Variants in NAALAD2 observed in about 807,000 individuals in gnomAD.
The protein encoded by NAALAD2 is N-acetylated alpha-linked acidic dipeptidase 2.
A neutral mutation model predicts 95.6 loss-of-function variants in NAALAD2; 89 were observed. The observed-to-expected ratio is 0.93, with a 90% CI of 0.78 to 1.11. The LOEUF (loss-of-function observed/expected upper bound fraction) is 1.11. Ranked by LOEUF, NAALAD2 falls within the 50% of genes least tolerant of loss-of-function variation. The pLI, the probability that NAALAD2 is intolerant of heterozygous loss-of-function variation, is 0.00. For missense variants in NAALAD2, 894 were observed against 872.4 expected (o/e 1.02, Z -0.31); for synonymous variants, 264 against 294.4 (o/e 0.90, Z 1.06).
chr11:90,163,210 G>C (rs1952344329), intron 9 of NAALAD2, 100 bp from the exon 10 acceptor site: 3 of 1,351,348 alleles, frequency 2.2e-6, no homozygotes, highest in Admixed American at 4.2e-5. Context: ...GTCTTCTATA[G>C]AGGAAACTCA....
chr11:90,160,435 T>A (rs1419067145), intron 8 of NAALAD2, among the ~76,000 whole-genome samples: 1 of 152,240 alleles, frequency 6.6e-6, no homozygotes, highest in African/African-American at 2.4e-5. Flanking sequence ...AATTTACCCT[T>A]AACTACGTGA....
At chr11:90,157,224 T>A (rs1748427939) in intron 6 of NAALAD2, among the ~76,000 whole-genome samples, 1 of 152,188 alleles carries the variant, frequency 6.6e-6, no homozygotes, top group African/African-American at 2.4e-5. Flanking sequence ...AAAAATCTCA[T>A]GATAGAACTA....
At chr11:90,137,943 C>T (rs12224461) in intron 2 of NAALAD2, among the ~76,000 whole-genome samples, 20,480 of 151,772 alleles carry the variant, frequency 0.13, 2,043 homozygotes, top group Admixed American at 0.31. Flanking sequence ...ATCCCCAACC[C>T]TCCTATGGAG....
At chr11:90,150,352 G>A (rs112716109) in intron 4 of NAALAD2, 130 bp from the exon 5 acceptor site, 112 of 479,482 alleles carry the variant, frequency 2.3e-4, no homozygotes, top group Non-Finnish European at 1.0e-4. Context: ...ATTACTGTGG[G>A]TCTGTTTATT....
At chr11:90,155,685 A>G (rs1212862840) in intron 6 of NAALAD2, among the ~76,000 whole-genome samples, 1 of 81,942 alleles carries the variant, frequency 1.2e-5, no homozygotes. Context: ...TATGTAATAC[A>G]TACATACATA....
At position 90,149,027 on chromosome 11, in the gene NAALAD2, G is replaced by T; in HGVS notation, c.403G>T (p.Glu135Ter). Residue 135 changes from glutamate to a stop codon, truncating the protein, a stop_gained, in exon 4 of 19, where the codon GAA becomes TAA. Coordinates refer to ENST00000534061, the MANE Select transcript of NAALAD2 (RefSeq NM_005467.4). LOFTEE classifies it high-confidence loss of function. The stretch of plus-strand genomic sequence containing the variant: ...CTAGATTTTCAAAACATCATACCTT[G>T]AACCACCACCAGATGGCTATGAGAA... ...ETEIFKTSYL[E>*]PPPDGYENVT... 1 of 1,603,840 alleles carries T rather than the reference G, an allele frequency of 6.2e-7. No individual in the cohort carries two copies. The highest frequency in any genetic ancestry group is 1.7e-5 in the Admixed American group (1 of 59,362).
At chr11:90,159,149 T>G in intron 7 of NAALAD2, 90 bp from the exon 8 acceptor site, 1 of 965,522 alleles carries the variant, frequency 1.0e-6, no homozygotes, top group African/African-American at 1.6e-5. Flanking sequence ...ATTTGTTATA[T>G]ATATGAATGA....
chr11:90,181,220 G>A (rs1952957919), intron 16 of NAALAD2, among the ~76,000 whole-genome samples: 1 of 151,810 alleles, frequency 6.6e-6, no homozygotes, highest in Admixed American at 6.6e-5. Context: ...TGCACTATTT[G>A]AAAACAAGAA....
intron 13 of NAALAD2, among the ~76,000 whole-genome samples, chr11:90,172,849 G>C (rs554636736): frequency 1.3e-5 from 2 of 152,240 alleles, no homozygotes; most frequent in East Asian, 3.9e-4. Flanking sequence ...GAAAATACCA[G>C]ATGTTTATAT....
At chr11:90,183,225 G>C (rs1857019974) in intron 18 of NAALAD2, among the ~76,000 whole-genome samples, 1 of 152,072 alleles carries the variant, frequency 6.6e-6, no homozygotes, top group Admixed American at 6.5e-5. Context: ...GTAAAGGCTA[G>C]TTAAAAAAGA....
intron 6 of NAALAD2, among the ~76,000 whole-genome samples, chr11:90,154,937 ATGT>A (rs1473061211): frequency 8.9e-6 from 1 of 112,072 alleles, no homozygotes; most frequent in Non-Finnish European, 1.9e-5. Flanking sequence ...ACGTATACAT[ATGT>A]ATATATTATA....
At chr11:90,155,096 C>A (rs1219638155) in intron 6 of NAALAD2, among the ~76,000 whole-genome samples, 1 of 116,054 alleles carries the variant, frequency 8.6e-6, no homozygotes, top group Non-Finnish European at 1.6e-5. Flanking sequence ...ATATTATATA[C>A]GTATACATAT....
chr11:90,163,533 A>T lies in NAALAD2; in HGVS notation c.1196-2A>T. ...AACCACGTGTGTTAACAATTCTTACAGGCTGGAGACCTAGAAGAACTATCA... is the reference window on the plus strand; with the variant it reads ...AACCACGTGTGTTAACAATTCTTACTGGCTGGAGACCTAGAAGAACTATCA... On this transcript the variant is annotated splice_acceptor_variant, in intron 10 of 18. Coordinates refer to ENST00000534061, the MANE Select transcript of NAALAD2 (RefSeq NM_005467.4). LOFTEE classifies it high-confidence loss of function. 6.2e-7 allele frequency: 1 copy of T among 1,613,724 alleles called. No individual in the cohort carries two copies. Among genetic ancestry groups the T allele is most frequent in the African/African-American group, 1.3e-5 (1 of 74,972 alleles).
At chr11:90,189,993 T>C (rs997038728) in intron 18 of NAALAD2, among the ~76,000 whole-genome samples, 6 of 152,170 alleles carry the variant, frequency 3.9e-5, no homozygotes, top group African/African-American at 1.4e-4. Context: ...TGAATTCTTA[T>C]GGGACTAGAA....
At chr11:90,156,137 G>A (rs892756020) in intron 6 of NAALAD2, among the ~76,000 whole-genome samples, 1 of 151,784 alleles carries the variant, frequency 6.6e-6, no homozygotes, top group African/African-American at 2.4e-5. Flanking sequence ...GTCCTGATCT[G>A]TCTTGTTGGA....
intron 14 of NAALAD2, among the ~76,000 whole-genome samples, chr11:90,175,447 AT>A (rs1326362404): frequency 6.6e-6 from 1 of 152,224 alleles, no homozygotes; most frequent in African/African-American, 2.4e-5. Flanking sequence ...ATGCATATAT[AT>A]GTGATAGATC....
At chr11:90,155,329 T>A (rs1458956715) in intron 6 of NAALAD2, among the ~76,000 whole-genome samples, 3 of 117,704 alleles carry the variant, frequency 2.5e-5, no homozygotes, top group African/African-American at 3.4e-5. Context: ...TAATATATAA[T>A]GTATAATTAT....
At chr11:90,134,925 A>T in intron 1 of NAALAD2, 85 bp downstream of exon 1, 1 of 1,480,648 alleles carries the variant, frequency 6.8e-7, no homozygotes, top group Non-Finnish European at 9.4e-7. Flanking sequence ...GCTGGAAGGG[A>T]TTGGGCTGTG....
Position 90,163,628 on chromosome 11 carries a change from C to A in NAALAD2, c.1278+11C>A. 1 of 1,612,154 alleles carries A rather than the reference C, an allele frequency of 6.2e-7. No individual in the cohort carries two copies. The highest frequency in any genetic ancestry group is 8.5e-7 in the Non-Finnish European group (1 of 1,178,366). ...ACAGAATGGGCTGAGGTAAATAAGA[C>A]AAAGAAGGTTCTTATTATTTTTTTG... On this transcript the variant is annotated intron_variant, in intron 11 of 18. Transcript: ENST00000534061.
Sources: gnomAD v4.1 joint callset for allele counts (sites outside exome capture counted in the v4.1 genomes callset) on GRCh38, gnomAD v4.1.1 for gene constraint, MANE v1.5 for transcripts, NCBI Gene and HGNC (gene_info 2026-07-23, HGNC 2026-07-21) for gene names.